Variants in SOS1 observed in about 807,000 individuals in gnomAD.
SOS1 encodes SOS Ras/Rac guanine nucleotide exchange factor 1.
A neutral mutation model predicts 157.6 loss-of-function variants in SOS1; 25 were observed. The ratio of observed to expected loss-of-function variants is 0.16; its 90% confidence interval spans 0.12 to 0.22. SOS1 has a LOEUF of 0.22. SOS1 is among the 10% of genes least tolerant of loss of function. The pLI is 1.00. For missense variants in SOS1, 1,237 were observed against 1,599.1 expected, an observed-to-expected ratio of 0.77 and a Z score of 3.86; for synonymous variants, 528 against 534.0, an observed-to-expected ratio of 0.99 and a Z score of 0.16.
At chr2:39,010,897 T>TTC (rs1281602791) in intron 14 of SOS1, among the ~76,000 whole-genome samples, 194 bp from the exon 15 acceptor site, 276 of 7,812 alleles carry the variant, frequency 0.035, 13 homozygotes, top group Admixed American at 0.062. Flanking sequence ...TTTTTTAAAC[T>TTC]TTTTTTTTTT....
intron 1 of SOS1, among the ~76,000 whole-genome samples, chr2:39,117,374 A>G (rs904626062): frequency 2.2e-4 from 34 of 152,138 alleles, no homozygotes; most frequent in African/African-American, 8.2e-4. Context: ...TACCTGGTCT[A>G]TAGTAGGCAT....
At chr2:39,046,013 A>T (rs1309925712) in intron 6 of SOS1, among the ~76,000 whole-genome samples, 1 of 152,210 alleles carries the variant, frequency 6.6e-6, no homozygotes, top group East Asian at 1.9e-4. Context: ...CGCCAGGCCT[A>T]AAGTGAATTT....
At chr2:39,070,344 T>G (rs1316163348) in intron 1 of SOS1, among the ~76,000 whole-genome samples, 1 of 152,210 alleles carries the variant, frequency 6.6e-6, no homozygotes, top group Non-Finnish European at 1.5e-5. Flanking sequence ...TCCTTTCATT[T>G]CTGAAACTCT....
intron 6 of SOS1, among the ~76,000 whole-genome samples, chr2:39,039,922 G>C (rs1164913599): frequency 6.6e-6 from 1 of 152,142 alleles, no homozygotes; most frequent in Non-Finnish European, 1.5e-5. Flanking sequence ...CATACAATAT[G>C]TAGTCTTTTG....
chr2:39,046,476 ATTTAT>A (rs912844643), intron 6 of SOS1, among the ~76,000 whole-genome samples: 19 of 143,744 alleles, frequency 1.3e-4, no homozygotes, highest in Non-Finnish European at 1.4e-4. Flanking sequence ...TTATTTATTT[ATTTAT>A]TTTGAGACAG....
chr2:39,067,224 G>C (rs1328327570), intron 2 of SOS1, among the ~76,000 whole-genome samples: 2 of 151,914 alleles, frequency 1.3e-5, no homozygotes, highest in African/African-American at 2.4e-5. Flanking sequence ...TTGTCTCCCA[G>C]GCTGGTCTTG....
chr2:39,057,103 G>A (rs560550122), intron 3 of SOS1, among the ~76,000 whole-genome samples: 7 of 152,186 alleles, frequency 4.6e-5, no homozygotes, highest in Non-Finnish European at 7.4e-5. Context: ...ATACTTAAGC[G>A]GAGATTACAA....
intron 6 of SOS1, among the ~76,000 whole-genome samples, chr2:39,045,940 C>T (rs752541945): frequency 1.9e-4 from 29 of 152,266 alleles, no homozygotes; most frequent in Non-Finnish European, 4.0e-4. Context: ...TCTCAAACTC[C>T]TGACCTTGTG....
intron 8 of SOS1, among the ~76,000 whole-genome samples, chr2:39,028,235 G>C (rs182674629): frequency 3.3e-5 from 5 of 152,262 alleles, no homozygotes; most frequent in Admixed American, 2.0e-4. Context: ...AATAAGTAAA[G>C]AGGCAATAGT....
intron 12 of SOS1, 91 bp downstream of exon 12, chr2:39,013,776 C>T: frequency 9.1e-7 from 1 of 1,095,284 alleles, no homozygotes; most frequent in Non-Finnish European, 1.4e-6. Context: ...TATTGTCACC[C>T]CTCTCCTTGT....
chr2:39,042,746 C>T (rs1670619639), intron 6 of SOS1, among the ~76,000 whole-genome samples: 1 of 148,084 alleles, frequency 6.8e-6, no homozygotes, highest in African/African-American at 2.5e-5. Context: ...AACAAAGGTC[C>T]TGTGTATCTT....
intron 3 of SOS1, 76 bp downstream of exon 3, chr2:39,058,597 A>G: frequency 6.8e-7 from 1 of 1,479,920 alleles, no homozygotes; most frequent in Admixed American, 1.7e-5. Flanking sequence ...TTATCCATAA[A>G]ATATATTCTT....
chr2:38,991,990 C>G (rs1480918456), intron 20 of SOS1, among the ~76,000 whole-genome samples: 3 of 152,150 alleles, frequency 2.0e-5, no homozygotes. Flanking sequence ...CAAACTCTGC[C>G]TTTTGAAAAA....
Position 39,010,703 on chromosome 2 carries a change from T to C in SOS1, c.2391A>G (p.Arg797=), listed in dbSNP as rs1669436803. The C allele has an allele frequency of 1.9e-6, 3 of 1,605,262 alleles. No homozygotes were observed. The East Asian group carries it at 6.7e-5, about 36-fold the overall frequency. ...QLTLLESDLY[R]AVQPSELVGS... The stretch of plus-strand genomic sequence containing the variant: ...CAACTAATTCTGATGGCTGTACAGC[T>C]CTAAAATCATCAATACATAATTCTA... The change falls in exon 15 of 23, where the codon CGA becomes CGG. Residue 797 remains arginine (R), a splice_region_variant and synonymous_variant. Transcript: ENST00000402219.
At position 38,995,134 on chromosome 2, in the gene SOS1, G is replaced by T. The variant is rs1668848728; in HGVS notation, c.3335C>A (p.Pro1112His). The change falls in exon 20 of 23, where the codon CCT becomes CAT. Residue 1112 changes from proline to histidine, a missense_variant. Pro to His is a moderately conservative substitution (Grantham distance 77). Around this residue, in one of 15 missense-constraint regions of SOS1, gnomAD observed 306 missense variants for 322.6 expected, o/e 0.95. Coordinates refer to ENST00000402219, the MANE Select transcript of SOS1 (RefSeq NM_005633.4). Reference protein sequence around the residue: ...CSVFDSDHSSPFHSSNDTVFI... With the variant: ...CSVFDSDHSSHFHSSNDTVFI... ...ATTTTTGCACCTACTTGAGTGAAAA[G>T]GGCTCGAATGATCGGAATCAAATAC... 2 of 1,613,766 alleles carry T rather than the reference G, an allele frequency of 1.2e-6. No individual in the cohort carries two copies. The highest frequency in any genetic ancestry group is 2.2e-5 in the South Asian group (2 of 91,026).
At chr2:39,085,613 A>C (rs535714229) in intron 1 of SOS1, among the ~76,000 whole-genome samples, 2 of 152,234 alleles carry the variant, frequency 1.3e-5, no homozygotes, top group African/African-American at 4.8e-5. Flanking sequence ...AACTTCTCCA[A>C]ATGAATCACG....
chr2:39,037,579 T>C (rs1670403087), intron 6 of SOS1, among the ~76,000 whole-genome samples: 1 of 152,010 alleles, frequency 6.6e-6, no homozygotes, highest in Admixed American at 6.6e-5. Context: ...CACTTCACTT[T>C]ATGGTGCTTC....
At chr2:39,119,566 G>A (rs778667045) in intron 1 of SOS1, among the ~76,000 whole-genome samples, 1 of 152,184 alleles carries the variant, frequency 6.6e-6, no homozygotes, top group Non-Finnish European at 1.5e-5. Context: ...AACAAAAATA[G>A]TCTGGTTGTC....
intron 1 of SOS1, among the ~76,000 whole-genome samples, chr2:39,085,095 G>A (rs984303203): frequency 6.6e-6 from 1 of 151,906 alleles, no homozygotes; most frequent in African/African-American, 2.4e-5. Context: ...CATGAGGTTG[G>A]ACTGCAGTGT....
Sources: gnomAD v4.1 joint callset for allele counts (sites outside exome capture counted in the v4.1 genomes callset) on GRCh38, gnomAD v4.1.1 for gene constraint, gnomAD v4.1.1 regional missense constraint, MANE v1.5 for transcripts, NCBI Gene and HGNC (gene_info 2026-07-23, HGNC 2026-07-21) for gene names.